The following EGFR variants were observed in gnomAD, a reference collection of about 807,000 sequenced individuals.
The protein encoded by EGFR is avian erythroblastic leukemia viral (v-erb-b) oncogene homolog.
In EGFR, 58 loss-of-function variants were observed where a neutral mutation model predicts 143.0. That is an observed-to-expected ratio of 0.41 (90% CI 0.33 to 0.50). The LOEUF (loss-of-function observed/expected upper bound fraction) is 0.50, where lower values mean the gene tolerates loss of function less well. Ranked by LOEUF, EGFR falls within the 20% of genes least tolerant of loss-of-function variation. EGFR has a pLI of 0.39. For synonymous variants in EGFR, 613 were observed against 594.4 expected (o/e 1.03, Z -0.45); for missense variants, 1,307 against 1,579.0 (o/e 0.83, Z 2.92).
At chr7:55,049,758 T>C (rs1788378648) in intron 1 of EGFR, among the ~76,000 whole-genome samples, 1 of 152,224 alleles carries the variant, frequency 6.6e-6, no homozygotes, top group African/African-American at 2.4e-5. Flanking sequence ...AAATCTAGAC[T>C]ATGTGTCCCC....
At chr7:55,038,980 G>A (rs2128868251) in intron 1 of EGFR, among the ~76,000 whole-genome samples, 1 of 151,908 alleles carries the variant, frequency 6.6e-6, no homozygotes, top group East Asian at 1.9e-4. Flanking sequence ...CAGTGGCAGA[G>A]GAGGGTAGAT....
chr7:55,205,064 T>C (rs1328511140), intron 27 of EGFR, among the ~76,000 whole-genome samples, 192 bp from the exon 28 acceptor site: 5 of 152,156 alleles, frequency 3.3e-5, no homozygotes, highest in Non-Finnish European at 5.9e-5. Context: ...AAGACACATA[T>C]GTCCATTACT....
At chr7:55,195,366 G>C (rs958460712) in intron 22 of EGFR, among the ~76,000 whole-genome samples, 7 of 152,148 alleles carry the variant, frequency 4.6e-5, no homozygotes, top group African/African-American at 1.7e-4. Flanking sequence ...GGGGTTGTCT[G>C]AAAAAACACT....
intron 27 of EGFR, among the ~76,000 whole-genome samples, chr7:55,204,683 CACACCACAG>C (rs1788036100): frequency 6.7e-6 from 1 of 148,206 alleles, no homozygotes; most frequent in Non-Finnish European, 1.5e-5. Context: ...ACACACCACA[CACACCACAG>C]ACACACATAG....
At chr7:55,096,508 G>T (rs1791478170) in intron 1 of EGFR, among the ~76,000 whole-genome samples, 1 of 152,126 alleles carries the variant, frequency 6.6e-6, no homozygotes, top group Non-Finnish European at 1.5e-5. Context: ...CGATGCCAGA[G>T]GTCACCTGTG....
intron 1 of EGFR, among the ~76,000 whole-genome samples, chr7:55,092,531 C>T (rs962859138): frequency 6.6e-6 from 1 of 152,192 alleles, no homozygotes. Flanking sequence ...ACAAATGCAG[C>T]AAATAAAATG....
Position 55,188,935 on chromosome 7 carries a change from A to G in EGFR, c.2470-2784A>G, listed in dbSNP as rs143425794. ...AGACCGGTGTTCTGAGGAAACAGACACTGTGTAGAAATGGCTCAGGTCCTT... is the reference window on the plus strand; with the variant it reads ...AGACCGGTGTTCTGAGGAAACAGACGCTGTGTAGAAATGGCTCAGGTCCTT... On this transcript the variant is annotated intron_variant, in intron 20 of 27. Coordinates refer to ENST00000275493, the MANE Select transcript of EGFR (RefSeq NM_005228.5). 491 of 152,278 alleles carry G rather than the reference A, an allele frequency of 3.2e-3. 6 individuals carry two copies. Among genetic ancestry groups the G allele is most frequent in the East Asian group, 0.03 (153 of 5,180 alleles). 9.4% of individuals were successfully genotyped at this position (152,278 alleles called of 1,614,324 possible).
chr7:55,107,284 G>A (rs1584054351), intron 1 of EGFR, among the ~76,000 whole-genome samples: 4 of 151,928 alleles, frequency 2.6e-5, no homozygotes, highest in Admixed American at 2.6e-4. Context: ...ATTTCCATTG[G>A]CAAGCCACAT....
intron 1 of EGFR, among the ~76,000 whole-genome samples, chr7:55,091,536 C>T (rs1791112626): frequency 6.6e-6 from 1 of 152,192 alleles, no homozygotes. Flanking sequence ...TTCGACAGTA[C>T]AGGCTTCCTG....
intron 1 of EGFR, among the ~76,000 whole-genome samples, chr7:55,116,031 A>G (rs997695093): frequency 3.3e-5 from 5 of 152,204 alleles, no homozygotes; most frequent in African/African-American, 1.2e-4. Flanking sequence ...TTGATTTAGA[A>G]TGGGGCACAA....
At chr7:55,185,795 C>G (rs567530131) in intron 20 of EGFR, among the ~76,000 whole-genome samples, 3 of 152,168 alleles carry the variant, frequency 2.0e-5, no homozygotes, top group Non-Finnish European at 4.4e-5. Context: ...ACTCTCTGAC[C>G]ACAACTGTAT....
At chr7:55,059,799 T>G (rs188384277) in intron 1 of EGFR, among the ~76,000 whole-genome samples, 52 of 152,162 alleles carry the variant, frequency 3.4e-4, no homozygotes, top group Middle Eastern at 3.4e-3. Flanking sequence ...GCAGGAAAAA[T>G]CAATCAGTCT....
At chr7:55,161,414 G>A in intron 12 of EGFR, 85 bp from the exon 13 acceptor site, 1 of 1,522,408 alleles carries the variant, frequency 6.6e-7, no homozygotes, top group Non-Finnish European at 8.8e-7. Context: ...GGAGCACAGG[G>A]CCCCTCCCGG....
At chr7:55,019,581 G>T (rs987796347) in intron 1 of EGFR, among the ~76,000 whole-genome samples, 37 of 152,024 alleles carry the variant, frequency 2.4e-4, no homozygotes, top group Non-Finnish European at 3.5e-4. Context: ...CGGAGGAGGA[G>T]ACGCGTGGGA....
intron 20 of EGFR, among the ~76,000 whole-genome samples, chr7:55,188,090 A>G (rs929237898): frequency 6.6e-6 from 1 of 151,966 alleles, no homozygotes; most frequent in Admixed American, 6.6e-5. Context: ...AAGATGATGA[A>G]CCTTAAGCCT....
rs1317269653 is a variant in EGFR, at chr7:55,173,987, A to G, written c.2128A>G (p.Thr710Ala). ...AGCTCTCTTGAGGATCTTGAAGGAA[A>G]CTGAATTCAAAAAGATCAAAGTGCT... ...NQALLRILKE[T>A]EFKKIKVLGS... Residue 710 changes from threonine to alanine, a missense_variant, in exon 18 of 28, where the codon ACT becomes GCT. Coordinates refer to ENST00000275493, the MANE Select transcript of EGFR (RefSeq NM_005228.5). 6.2e-7 allele frequency: 1 copy of G among 1,614,196 alleles called. No homozygotes were observed. The highest frequency in any genetic ancestry group is 1.3e-5 in the African/African-American group (1 of 75,042).
intron 1 of EGFR, among the ~76,000 whole-genome samples, chr7:55,118,841 C>T (rs1203293796): frequency 1.3e-5 from 2 of 152,212 alleles, no homozygotes; most frequent in Non-Finnish European, 2.9e-5. Context: ...CAAATCTTCC[C>T]ATTCAGTGTT....
intron 4 of EGFR, among the ~76,000 whole-genome samples, chr7:55,148,145 T>C (rs1489877193): frequency 6.6e-6 from 1 of 152,256 alleles, no homozygotes; most frequent in Non-Finnish European, 1.5e-5. Flanking sequence ...ATACCCATCC[T>C]GACACCTACT....
chr7:55,191,593 G>A (rs1336737868), intron 20 of EGFR, 126 bp from the exon 21 acceptor site: 45 of 1,260,672 alleles, frequency 3.6e-5, no homozygotes, highest in South Asian at 2.2e-4. Flanking sequence ...AGTCACTAAC[G>A]TTCGCCAGCC....
Sources: allele counts gnomAD v4.1 joint callset (sites outside exome capture counted in the v4.1 genomes callset), GRCh38; gene constraint gnomAD v4.1.1; transcripts MANE v1.5; gene names NCBI Gene and HGNC (gene_info 2026-07-23, HGNC 2026-07-21).